Variants in DMXL1 observed in about 807,000 individuals in gnomAD.
DMXL1 encodes the protein Dmx like 1.
DMXL1 carries 99 observed loss-of-function variants against 319.2 expected under a neutral mutation model. The ratio of observed to expected loss-of-function variants is 0.31; its 90% CI spans 0.26 to 0.37. DMXL1 has a LOEUF of 0.37. Ranked by LOEUF, DMXL1 falls within the 10% of genes least tolerant of loss-of-function variation. The pLI, the probability that DMXL1 is intolerant of heterozygous loss-of-function variation, is 1.00. For synonymous variants in DMXL1, 1,385 were observed against 1,235.2 expected, an observed-to-expected ratio of 1.12 and a Z score of -2.54; for missense variants, 3,745 against 3,595.6, an observed-to-expected ratio of 1.04 and a Z score of -1.06.
rs762999185 is a variant in DMXL1 at position 119,193,809 on chromosome 5, CATG to C, written c.7315-16_7315-14del. On this transcript the variant is annotated splice_polypyrimidine_tract_variant and intron_variant, in intron 29 of 43. Coordinates refer to ENST00000539542, the MANE Select transcript of DMXL1 (RefSeq NM_001290321.3). ...AATTAGATATGTGGCTGCTAAATTT[CATG>C]ATTTCTTTATTTTAGCCTTTTCTAC... 8 of 1,607,656 alleles carry C rather than the reference CATG, an allele frequency of 5.0e-6. No homozygotes were observed. The highest frequency in any genetic ancestry group is 6.8e-6 in the Non-Finnish European group (8 of 1,177,150).
At chr5:119,212,888 C>T (rs1346791750) in intron 34 of DMXL1, among the ~76,000 whole-genome samples, 2 of 152,116 alleles carry the variant, frequency 1.3e-5, no homozygotes, top group Non-Finnish European at 2.9e-5. Context: ...GCTTAGATTT[C>T]ATGATCCATC....
Position 119,097,984 on chromosome 5 carries a change from T to C in DMXL1, c.93T>C (p.Tyr31=), listed in dbSNP as rs1756375344. Residue 31 remains tyrosine (Y), a synonymous_variant, in exon 2 of 44, where the codon TAT becomes TAC. Transcript: ENST00000539542. ...GSIGDQRFTA[Y]ASGCDIVILG... Reference sequence around the variant, plus strand: ...TTATTTATTTATTTTTTTAGGCTTATGCATCTGGATGTGACATTGTAATAC... The same window carrying C: ...TTATTTATTTATTTTTTTAGGCTTACGCATCTGGATGTGACATTGTAATAC... 6.2e-7 allele frequency: 1 copy of C among 1,605,326 alleles called. No individual in the cohort carries two copies. The highest frequency in any genetic ancestry group is 8.5e-7 in the Non-Finnish European group (1 of 1,176,652).
intron 37 of DMXL1, among the ~76,000 whole-genome samples, chr5:119,223,067 T>C (rs1784916080): frequency 6.7e-6 from 1 of 150,346 alleles, no homozygotes. Context: ...GTTTTTTTTT[T>C]TTTTTTTGAG....
intron 15 of DMXL1, 117 bp from the exon 16 acceptor site, chr5:119,146,720 C>T (rs747056526): frequency 5.4e-5 from 51 of 942,314 alleles, no homozygotes; most frequent in Non-Finnish European, 7.5e-5. Context: ...TGTTTGAAGC[C>T]TTAGGTAAAA....
chr5:119,143,915 TC>T lies in DMXL1; in HGVS notation c.2454del (p.Ile819LeufsTer21). On this transcript the variant is annotated frameshift_variant, in exon 14 of 44. Coordinates refer to ENST00000539542, the MANE Select transcript of DMXL1 (RefSeq NM_001290321.3). LOFTEE classifies it high-confidence loss of function. ...GGCCAGGATGCATTATTGCATTAGA[TC>T]CCATTACCAAACTTGTAAGTATTAA... is the stretch of plus-strand genomic sequence containing the variant. ...ARPGCIIALD[P>X]ITKLHGRKTQ... 6.3e-7 allele frequency: 1 copy of T among 1,576,558 alleles called. No individual in the cohort carries two copies. The highest frequency in any genetic ancestry group is 1.2e-5 in the South Asian group (1 of 83,180).
At chr5:119,169,477 G>A (rs540816969) in intron 23 of DMXL1, among the ~76,000 whole-genome samples, 1 of 152,196 alleles carries the variant, frequency 6.6e-6, no homozygotes, top group East Asian at 1.9e-4. Flanking sequence ...GATGATATGG[G>A]GAAGAATTGT....
Position 119,150,366 on chromosome 5 carries a change from A to T in DMXL1, c.4539A>T (p.Ala1513=). Residue 1513 remains alanine, a synonymous_variant, in exon 18 of 44, where the codon GCA becomes GCT. Coordinates refer to ENST00000539542, the MANE Select transcript of DMXL1 (RefSeq NM_001290321.3). ...AGCAGATGTCTTTGATGGCCTTAGC[A>T]GATACAATTGCAACTACAAGCACTG... ...RMEQMSLMAL[A]DTIATTSTDI... 1 of 1,613,784 alleles carries T rather than the reference A, an allele frequency of 6.2e-7. No individual in the cohort carries two copies.
Position 119,110,254 on chromosome 5 carries a change from T to C in DMXL1, c.468T>C (p.Phe156=). ...ATTTAAATAAAACAGATCTTAACTT[T>C]GGAGATTGGAAATGCATTTGGCATT... is the stretch of plus-strand genomic sequence containing the variant. ...DENLNKTDLN[F]GDWKCIWHCK... The change falls in exon 5 of 44, where the codon TTT becomes TTC. Residue 156 remains phenylalanine (F), a synonymous_variant. Transcript: ENST00000539542. 6.3e-7 allele frequency: 1 copy of C among 1,576,498 alleles called. No individual in the cohort carries two copies. The highest frequency in any genetic ancestry group is 1.2e-5 in the South Asian group (1 of 84,108).
chr5:119,077,431 A>G (rs1365670021), intron 1 of DMXL1, among the ~76,000 whole-genome samples: 2 of 148,794 alleles, frequency 1.3e-5, no homozygotes, highest in East Asian at 3.9e-4. Flanking sequence ...AACCAGTTTT[A>G]CATTTTGATT....
intron 34 of DMXL1, among the ~76,000 whole-genome samples, chr5:119,215,921 C>A (rs1054238927): frequency 1.3e-5 from 2 of 151,374 alleles, no homozygotes; most frequent in Non-Finnish European, 2.9e-5. Context: ...AATGGTGAAA[C>A]CCTGTCTCTA....
In DMXL1 at chr5:119,149,535, T is replaced by A; in HGVS notation, c.3708T>A (p.His1236Gln). ...ILVVGMDCEM[H>Q]VYCQWQPSSK... ...TGGTAGGAATGGACTGTGAAATGCA[T>A]GTGTATTGCCAATGGCAACCATCTT... is the stretch of plus-strand genomic sequence containing the variant. The change falls in exon 18 of 44, where the codon CAT (histidine) becomes CAA (glutamine). Residue 1236 changes from histidine to glutamine, a missense_variant. This residue lies in a region of DMXL1 where 2,096 missense variants were observed against 1,985.4 expected (regional missense o/e 1.06). Transcript: ENST00000539542. The A allele has an allele frequency of 6.2e-7, 1 of 1,613,936 alleles. No homozygotes were observed. The highest frequency in any genetic ancestry group is 8.5e-7 in the Non-Finnish European group (1 of 1,179,904).
intron 33 of DMXL1, among the ~76,000 whole-genome samples, chr5:119,204,582 G>C (rs942574161): frequency 7.1e-6 from 1 of 141,694 alleles, no homozygotes; most frequent in African/African-American, 2.7e-5. Flanking sequence ...TTGTCATTTA[G>C]TTTAGTGCTA....
intron 30 of DMXL1, 24 bp from the exon 31 acceptor site, chr5:119,196,347 G>C (rs1418007943): frequency 4.4e-6 from 7 of 1,583,160 alleles, no homozygotes; most frequent in African/African-American, 2.7e-5. Context: ...ATAGTTAACA[G>C]ATCCATCGTT....
intron 2 of DMXL1, among the ~76,000 whole-genome samples, chr5:119,099,199 T>TTGTG (rs1554089548): frequency 1.3e-4 from 20 of 150,236 alleles, no homozygotes; most frequent in Non-Finnish European, 2.7e-4. Flanking sequence ...TTTTGTTTGT[T>TTGTG]TTTGTTTGTT....
chr5:119,207,192 CTAG>C (rs1209567389), intron 34 of DMXL1, among the ~76,000 whole-genome samples: 1 of 151,954 alleles, frequency 6.6e-6, no homozygotes, highest in African/African-American at 2.4e-5. Context: ...TAGCAATTGT[CTAG>C]TAGTATTGTT....
At chr5:119,243,450 C>T (rs1047835809) in intron 42 of DMXL1, among the ~76,000 whole-genome samples, 25 of 152,140 alleles carry the variant, frequency 1.6e-4, no homozygotes, top group African/African-American at 6.0e-4. Context: ...GGCAATCTAA[C>T]TCCAGAATCC....
At chr5:119,230,175 C>A (rs943657342) in intron 38 of DMXL1, among the ~76,000 whole-genome samples, 3 of 152,152 alleles carry the variant, frequency 2.0e-5, no homozygotes, top group Admixed American at 6.6e-5. Context: ...ACAAAGATAA[C>A]ATGAGTGTAT....
chr5:119,094,531 T>C (rs1561562048), intron 1 of DMXL1, among the ~76,000 whole-genome samples: 2 of 152,384 alleles, frequency 1.3e-5, no homozygotes, highest in East Asian at 3.9e-4. Flanking sequence ...ATGTAGTTTT[T>C]ATGCTTGCTA....
At position 119,150,274 on chromosome 5, in the gene DMXL1, C is replaced by A. The variant is rs1028576185; in HGVS notation, c.4447C>A (p.Pro1483Thr). Residue 1483 changes from proline to threonine, a missense_variant, in exon 18 of 44, where the codon CCT (proline) becomes ACT (threonine). Physicochemically the swap from Pro to Thr is conservative, Grantham distance 38 (BLOSUM62 -1). Transcript: ENST00000539542. ...LSQYSPTYFG[P>T]EHAQVLSGHL... ...ACAGTACAGTCCGACTTACTTTGGA[C>A]CTGAGCATGCTCAGGTTCTTTCTGG... 5.0e-6 allele frequency: 8 copies of A among 1,613,626 alleles called. No homozygotes were observed. Among genetic ancestry groups the A allele is most frequent in the Non-Finnish European group, 1.7e-6 (2 of 1,179,824 alleles).
Sources: gnomAD v4.1 joint callset for allele counts (sites outside exome capture counted in the v4.1 genomes callset) on GRCh38, gnomAD v4.1.1 for gene constraint, gnomAD v4.1.1 regional missense constraint, MANE v1.5 for transcripts, NCBI Gene and HGNC (gene_info 2026-07-23, HGNC 2026-07-21) for gene names.